The following SUPT3H variants were observed in gnomAD, a reference collection of about 807,000 sequenced individuals.
SUPT3H encodes transcription initiation protein SPT3 homolog.
Under a neutral mutation model 44.3 loss-of-function variants are expected in SUPT3H, and 44 were observed. The ratio of observed to expected loss-of-function variants is 0.99; its 90% confidence interval spans 0.78 to 1.28. The LOEUF is 1.28. Among genes scored for constraint, SUPT3H ranks in the 50% most tolerant of loss-of-function variants. The pLI, the probability that SUPT3H is intolerant of heterozygous loss-of-function variation, is 0.00. For missense variants in SUPT3H, 380 were observed against 387.1 expected (o/e 0.98, Z 0.15); for synonymous variants, 124 against 125.6 (o/e 0.99, Z 0.09).
intron 3 of SUPT3H, among the ~76,000 whole-genome samples, chr6:45,085,597 C>G (rs996746551): frequency 1.3e-5 from 2 of 152,030 alleles, no homozygotes; most frequent in Non-Finnish European, 2.9e-5. Context: ...GGAAATCCAC[C>G]CAAAAACCTG....
intron 2 of SUPT3H, among the ~76,000 whole-genome samples, chr6:45,188,710 T>C (rs1164542987): frequency 6.6e-6 from 1 of 152,000 alleles, no homozygotes; most frequent in Non-Finnish European, 1.5e-5. Context: ...GAAAAATCAT[T>C]CAACATAATT....
intron 2 of SUPT3H, among the ~76,000 whole-genome samples, chr6:45,338,732 A>T (rs569514911): frequency 9.2e-5 from 14 of 152,266 alleles, no homozygotes; most frequent in Non-Finnish European, 1.6e-4. Context: ...TTTATAAAAC[A>T]TCCAAGTATG....
At chr6:45,038,638 T>C (rs1335027443) in intron 3 of SUPT3H, among the ~76,000 whole-genome samples, 7 of 152,190 alleles carry the variant, frequency 4.6e-5, no homozygotes, top group African/African-American at 2.4e-5. Context: ...CTGGTTGTTA[T>C]ACTGTTTGAA....
At chr6:45,090,626 G>T (rs1431038200) in intron 3 of SUPT3H, among the ~76,000 whole-genome samples, 1 of 151,730 alleles carries the variant, frequency 6.6e-6, no homozygotes, top group Admixed American at 6.6e-5. Context: ...AAAATATTGA[G>T]TTTCTACTAA....
At chr6:45,260,041 G>C (rs773450239) in intron 2 of SUPT3H, among the ~76,000 whole-genome samples, 1 of 152,132 alleles carries the variant, frequency 6.6e-6, no homozygotes, top group Non-Finnish European at 1.5e-5. Context: ...AAAAAGCACT[G>C]TTCTTCATCG....
intron 3 of SUPT3H, among the ~76,000 whole-genome samples, chr6:45,055,647 C>T (rs1790995800): frequency 6.6e-6 from 1 of 152,156 alleles, no homozygotes; most frequent in Non-Finnish European, 1.5e-5. Context: ...GGATCCTTAT[C>T]TCTTACCTTA....
rs1215655269 is a variant in SUPT3H, at chr6:44,968,098, A to AT, written c.505-6271dup. On this transcript the variant is annotated intron_variant, in intron 6 of 10. Coordinates refer to ENST00000371459, the MANE Select transcript of SUPT3H (RefSeq NM_003599.4). ...ATGAGCCACTGCACCTGGCCAAAAA[A>AT]TTTTTTTTAATCTTATTCTGATTAC... Among the ~76,000 whole-genome samples the AT allele has an allele frequency of 2.0e-5, 3 of 151,878 alleles. No homozygotes were observed. The East Asian group carries it at 5.8e-4, about 29-fold the overall frequency.
intron 2 of SUPT3H, among the ~76,000 whole-genome samples, chr6:45,287,993 G>A (rs1158425686): frequency 6.6e-6 from 1 of 152,064 alleles, no homozygotes; most frequent in African/African-American, 2.4e-5. Flanking sequence ...TGTTATATTT[G>A]CCTTTAAAGT....
rs148473217 is a variant in SUPT3H at position 44,909,567 on chromosome 6, G to C, written c.912+23086C>G. Among the ~76,000 whole-genome samples the C allele has an allele frequency of 4.8e-3, 724 of 152,232 alleles. 8 individuals carry two copies. The highest frequency in any genetic ancestry group is 0.02 in the South Asian group (95 of 4,820). On this transcript the variant is annotated intron_variant, in intron 10 of 10. Coordinates refer to ENST00000371459, the MANE Select transcript of SUPT3H (RefSeq NM_003599.4). ...CATACTAATATATAACAATTATCTT[G>C]AATTTTATAGTTATCTAGAATTTTC...
At chr6:45,317,152 G>C (rs1254148879) in intron 2 of SUPT3H, among the ~76,000 whole-genome samples, 1 of 149,702 alleles carries the variant, frequency 6.7e-6, no homozygotes. Flanking sequence ...ACTTGAGCCT[G>C]GGAGGTAGAG....
chr6:44,996,341 C>T (rs1781271466), intron 6 of SUPT3H, among the ~76,000 whole-genome samples: 1 of 151,432 alleles, frequency 6.6e-6, no homozygotes, highest in Non-Finnish European at 1.5e-5. Flanking sequence ...GCCAATTTTC[C>T]TACTAGAATG....
At chr6:44,893,232 T>G (rs1471737309) in intron 10 of SUPT3H, among the ~76,000 whole-genome samples, 1 of 152,226 alleles carries the variant, frequency 6.6e-6, no homozygotes, top group Non-Finnish European at 1.5e-5. Flanking sequence ...AATGTATTTT[T>G]TTTAATTATT....
At chr6:45,308,566 G>C (rs1171573803) in intron 2 of SUPT3H, among the ~76,000 whole-genome samples, 1 of 152,090 alleles carries the variant, frequency 6.6e-6, no homozygotes, top group Admixed American at 6.5e-5. Flanking sequence ...GTCACCACCA[G>C]GCCTGCCCTA....
chr6:45,057,929 A>T (rs903569893), intron 3 of SUPT3H, among the ~76,000 whole-genome samples: 3 of 152,298 alleles, frequency 2.0e-5, no homozygotes, highest in Non-Finnish European at 2.9e-5. Context: ...TTCCAGAGAG[A>T]ACTAACATAT....
intron 2 of SUPT3H, among the ~76,000 whole-genome samples, chr6:45,182,406 C>T (rs1007733880): frequency 6.6e-5 from 10 of 152,108 alleles, no homozygotes; most frequent in Non-Finnish European, 1.5e-4. Context: ...GGATTACAGG[C>T]ACCTGCCCCC....
At chr6:45,341,687 C>G (rs1789811372) in intron 2 of SUPT3H, among the ~76,000 whole-genome samples, 1 of 152,076 alleles carries the variant, frequency 6.6e-6, no homozygotes, top group Non-Finnish European at 1.5e-5. Flanking sequence ...ATGAAAATAA[C>G]TACGGAATAA....
chr6:45,022,672 G>A (rs761121025), intron 3 of SUPT3H, among the ~76,000 whole-genome samples: 42 of 151,784 alleles, frequency 2.8e-4, no homozygotes, highest in Non-Finnish European at 5.3e-4. Context: ...CCTTACCAAG[G>A]CCTGCCTATC....
chr6:45,176,968 A>G (rs1341359083), intron 2 of SUPT3H, among the ~76,000 whole-genome samples: 1 of 152,232 alleles, frequency 6.6e-6, no homozygotes, highest in Non-Finnish European at 1.5e-5. Flanking sequence ...AAAGATGGGG[A>G]AAAAACAGAG....
intron 2 of SUPT3H, among the ~76,000 whole-genome samples, chr6:45,120,593 T>A (rs1184133072): frequency 1.3e-5 from 2 of 151,878 alleles, no homozygotes; most frequent in African/African-American, 4.8e-5. Flanking sequence ...TTCAGAAGAT[T>A]AAGAGGAAAA....
Sources: gnomAD v4.1 joint callset for allele counts (sites outside exome capture counted in the v4.1 genomes callset) on GRCh38, gnomAD v4.1.1 for gene constraint, MANE v1.5 for transcripts, NCBI Gene and HGNC (gene_info 2026-07-23, HGNC 2026-07-21) for gene names.